Variants in KIAA0825 observed in about 807,000 individuals in gnomAD.
The protein encoded by KIAA0825 is KIAA0825.
In KIAA0825, 119 loss-of-function variants were observed where a neutral mutation model predicts 147.6. The observed-to-expected ratio is 0.81, with a 90% CI of 0.69 to 0.94. The LOEUF is 0.94. Among genes scored for constraint, KIAA0825 ranks in the 40% least tolerant of loss-of-function variants. KIAA0825 has a pLI of 0.00. For synonymous variants in KIAA0825, 470 were observed against 518.1 expected, an observed-to-expected ratio of 0.91 and a Z score of 1.26; for missense variants, 1,381 against 1,472.7, an observed-to-expected ratio of 0.94 and a Z score of 1.02.
At chr5:94,257,643 G>GATAT (rs1776309706) in intron 20 of KIAA0825, among the ~76,000 whole-genome samples, 1 of 151,962 alleles carries the variant, frequency 6.6e-6, no homozygotes, top group South Asian at 2.1e-4. Context: ...ACATATCCCA[G>GATAT]GTCTATACAA....
chr5:94,560,836 C>T (rs116410974), intron 2 of KIAA0825, among the ~76,000 whole-genome samples: 1,997 of 152,276 alleles, frequency 0.013, 45 homozygotes, highest in African/African-American at 0.045. Flanking sequence ...TATACATGTG[C>T]GCGTGTACGC....
At chr5:94,278,630 G>A (rs531295325) in intron 20 of KIAA0825, among the ~76,000 whole-genome samples, 1 of 152,214 alleles carries the variant, frequency 6.6e-6, no homozygotes, top group African/African-American at 2.4e-5. Flanking sequence ...AGTGTTTCTT[G>A]TAGCACTGTG....
At chr5:94,379,844 C>CTTTT (rs59886046) in intron 20 of KIAA0825, among the ~76,000 whole-genome samples, 7 of 55,722 alleles carry the variant, frequency 1.3e-4, no homozygotes, top group African/African-American at 2.6e-4. Context: ...GTATTTTATT[C>CTTTT]TTTTTTTTTT....
intron 20 of KIAA0825, among the ~76,000 whole-genome samples, chr5:94,354,804 G>A (rs989138807): frequency 3.3e-5 from 5 of 152,164 alleles, no homozygotes; most frequent in African/African-American, 9.7e-5. Context: ...AAATCTCAAC[G>A]AAAAGAGTCA....
chr5:94,565,169 G>C (rs1778465355), intron 2 of KIAA0825, among the ~76,000 whole-genome samples: 1 of 138,020 alleles, frequency 7.2e-6, no homozygotes. Flanking sequence ...CCTGGCCCAA[G>C]GGAACCTCCT....
intron 20 of KIAA0825, among the ~76,000 whole-genome samples, chr5:94,197,385 G>T (rs1274241998): frequency 3.9e-5 from 6 of 152,140 alleles, no homozygotes; most frequent in Admixed American, 3.3e-4. Context: ...CTGATGCATA[G>T]TTTGGAAATA....
intron 12 of KIAA0825, among the ~76,000 whole-genome samples, chr5:94,460,630 A>T (rs894710659): frequency 2.0e-5 from 3 of 152,032 alleles, no homozygotes; most frequent in African/African-American, 7.2e-5. Flanking sequence ...GAGATTCACA[A>T]TTTTTTTAAT....
chr5:94,292,248 C>T (rs1185975287), intron 20 of KIAA0825, among the ~76,000 whole-genome samples: 1 of 152,132 alleles, frequency 6.6e-6, no homozygotes, highest in Admixed American at 6.5e-5. Context: ...GTCGGTTTGT[C>T]ATAAATAGCT....
chr5:94,462,288 C>T, intron 12 of KIAA0825, 99 bp downstream of exon 12: 1 of 682,702 alleles, frequency 1.5e-6, no homozygotes, highest in Non-Finnish European at 2.3e-6. Flanking sequence ...CAGAAGATTT[C>T]TACTTGTAAC....
At chr5:94,308,127 C>T (rs17083566) in intron 20 of KIAA0825, among the ~76,000 whole-genome samples, 30,792 of 151,540 alleles carry the variant, frequency 0.2, 3,552 homozygotes, top group Non-Finnish European at 0.25. Flanking sequence ...ATCACTGCAA[C>T]ACAGACATAT....
intron 14 of KIAA0825, among the ~76,000 whole-genome samples, chr5:94,428,328 G>C (rs768721309): frequency 3.3e-5 from 5 of 152,086 alleles, no homozygotes; most frequent in Non-Finnish European, 7.4e-5. Flanking sequence ...TTTCTATTGT[G>C]TGGTTGCATT....
intron 7 of KIAA0825, among the ~76,000 whole-genome samples, chr5:94,474,769 A>G (rs1761653759): frequency 6.6e-6 from 1 of 152,164 alleles, no homozygotes; most frequent in South Asian, 2.1e-4. Flanking sequence ...CAAGCATCAG[A>G]GGGCCTAAAA....
chr5:94,367,924 A>G (rs1746102000), intron 20 of KIAA0825, among the ~76,000 whole-genome samples: 1 of 152,242 alleles, frequency 6.6e-6, no homozygotes, highest in Non-Finnish European at 1.5e-5. Flanking sequence ...AATGTACAGG[A>G]ATAGAGAAAT....
At chr5:94,441,319 C>T (rs898460992) in intron 13 of KIAA0825, among the ~76,000 whole-genome samples, 4 of 152,094 alleles carry the variant, frequency 2.6e-5, no homozygotes, top group African/African-American at 9.7e-5. Flanking sequence ...AATCTTTCTC[C>T]AGGAGATTCT....
At chr5:94,367,239 G>A (rs1316710120) in intron 20 of KIAA0825, among the ~76,000 whole-genome samples, 37 of 152,150 alleles carry the variant, frequency 2.4e-4, no homozygotes, top group Admixed American at 2.0e-3. Context: ...ATAGGGGCCC[G>A]TAATCCCAGC....
intron 20 of KIAA0825, among the ~76,000 whole-genome samples, chr5:94,347,429 G>A (rs931482539): frequency 7.2e-5 from 11 of 152,162 alleles, no homozygotes; most frequent in African/African-American, 2.7e-4. Flanking sequence ...ACCGGAACAG[G>A]CACTGGTATC....
intron 14 of KIAA0825, among the ~76,000 whole-genome samples, chr5:94,426,020 G>GTAT (rs148552259): frequency 0.23 from 34,503 of 147,692 alleles, 4,093 homozygotes; most frequent in Middle Eastern, 0.26. Flanking sequence ...GATAATTTTT[G>GTAT]TATTATTATT....
chr5:94,237,627 A>G (rs1024641695), intron 20 of KIAA0825, among the ~76,000 whole-genome samples: 1 of 152,188 alleles, frequency 6.6e-6, no homozygotes, highest in African/African-American at 2.4e-5. Flanking sequence ...TTGGTAGTAT[A>G]CATTTTTTAC....
intron 20 of KIAA0825, among the ~76,000 whole-genome samples, chr5:94,160,816 A>G (rs1381834668): frequency 6.6e-6 from 1 of 152,098 alleles, no homozygotes; most frequent in Non-Finnish European, 1.5e-5. Context: ...TTATTCTTCA[A>G]GAAAAATCCT....
Sources: gnomAD v4.1 joint callset for allele counts (sites outside exome capture counted in the v4.1 genomes callset) on GRCh38, gnomAD v4.1.1 for gene constraint, MANE v1.5 for transcripts, NCBI Gene and HGNC (gene_info 2026-07-23, HGNC 2026-07-21) for gene names.